SERINC5: variants seen among roughly 807,000 people sequenced by gnomAD.
The protein encoded by SERINC5 is serine incorporator 5.
A neutral mutation model predicts 63.1 loss-of-function variants in SERINC5; 41 were observed. That is an observed-to-expected ratio of 0.65 (90% CI 0.51 to 0.84). SERINC5 has a LOEUF of 0.84. SERINC5 is among the 40% of genes least tolerant of loss of function. SERINC5 has a pLI of 0.00. For synonymous variants in SERINC5, 222 were observed against 215.2 expected (o/e 1.03, Z -0.28); for missense variants, 523 against 573.0 (o/e 0.91, Z 0.89).
At chr5:80,193,376 A>G (rs1749316022) in intron 2 of SERINC5, among the ~76,000 whole-genome samples, 1 of 151,978 alleles carries the variant, frequency 6.6e-6, no homozygotes, top group African/African-American at 2.4e-5. Context: ...TGTCTGTTCT[A>G]TTTATCTGCA....
intron 11 of SERINC5, among the ~76,000 whole-genome samples, chr5:80,132,204 A>ACTGATGACAAAAGAGACAAATAG (rs1346270733): frequency 7.2e-5 from 11 of 152,194 alleles, no homozygotes; most frequent in Non-Finnish European, 1.5e-4. Flanking sequence ...GTGATTTGTT[A>ACTGATGACAAAAGAGACAAATAG]CTGATGACAA....
In SERINC5 at chr5:80,220,011, C is replaced by T. The variant is rs564253679; in HGVS notation, c.28-16958G>A. ...TCACCTGAGGTCAGGAGTTCAAGAC[C>T]AGCCTGGCCAACATGGCCAAACCCC... On this transcript the variant is annotated intron_variant, in intron 1 of 11. Transcript: ENST00000507668. Among the ~76,000 whole-genome samples, 34 of 152,116 alleles carry T rather than the reference C, an allele frequency of 2.2e-4. 1 individual carries two copies. The South Asian group carries it at 7.1e-3, about 32-fold the overall frequency.
At chr5:80,152,353 T>A (rs1746244868) in intron 8 of SERINC5, among the ~76,000 whole-genome samples, 1 of 151,974 alleles carries the variant, frequency 6.6e-6, no homozygotes, top group African/African-American at 2.4e-5. Context: ...ATACAAAAAT[T>A]AGCCAGGTGT....
At chr5:80,219,773 A>T (rs1243207607) in intron 1 of SERINC5, among the ~76,000 whole-genome samples, 12 of 152,208 alleles carry the variant, frequency 7.9e-5, no homozygotes, top group Non-Finnish European at 2.9e-5. Context: ...CCAGGGCCAA[A>T]TGAAGGTGCT....
At chr5:80,250,243 G>GA (rs200970841) in intron 1 of SERINC5, among the ~76,000 whole-genome samples, 4,751 of 152,300 alleles carry the variant, frequency 0.031, 127 homozygotes, top group Admixed American at 0.048. Flanking sequence ...CAAAACAAGA[G>GA]AAAGATCATT....
intron 11 of SERINC5, among the ~76,000 whole-genome samples, chr5:80,117,557 C>T (rs1465368120): frequency 6.7e-6 from 1 of 150,300 alleles, no homozygotes; most frequent in East Asian, 2.0e-4. Flanking sequence ...CAGCATGCCA[C>T]ACTCCTTCAG....
chr5:80,236,416 C>CA (rs1751691885), intron 1 of SERINC5, among the ~76,000 whole-genome samples: 1 of 151,888 alleles, frequency 6.6e-6, no homozygotes, highest in Non-Finnish European at 1.5e-5. Flanking sequence ...ACTATATGCA[C>CA]AAAAAAGCCT....
intron 7 of SERINC5, among the ~76,000 whole-genome samples, chr5:80,161,025 TATACAC>T (rs374427289): frequency 3.3e-5 from 4 of 122,286 alleles, no homozygotes; most frequent in African/African-American, 2.1e-4. Flanking sequence ...CGTGTATATA[TATACAC>T]ACGTGTATAT....
At chr5:80,216,547 C>A (rs992694378) in intron 1 of SERINC5, among the ~76,000 whole-genome samples, 1 of 152,152 alleles carries the variant, frequency 6.6e-6, no homozygotes, top group Non-Finnish European at 1.5e-5. Flanking sequence ...CATTCACTGG[C>A]ACCCACTGAG....
Position 80,177,869 on chromosome 5 carries a change from A to G in SERINC5, c.374+17T>C, listed in dbSNP as rs1373032094. 2 of 1,588,726 alleles carry G rather than the reference A, an allele frequency of 1.3e-6. No homozygotes were observed. Among genetic ancestry groups the G allele is most frequent in the South Asian group, 2.3e-5 (2 of 86,828 alleles). On this transcript the variant is annotated intron_variant, in intron 3 of 11. Coordinates refer to ENST00000507668, the MANE Select transcript of SERINC5 (RefSeq NM_001174072.3). ...AAGAAAGGAGAAAGCAATCCCCAAGAAGACTAAAATACTTACCCATTGTGA... is the reference window on the plus strand; with the variant it reads ...AAGAAAGGAGAAAGCAATCCCCAAGGAGACTAAAATACTTACCCATTGTGA...
intron 1 of SERINC5, among the ~76,000 whole-genome samples, chr5:80,255,349 C>T (rs952933496): frequency 6.6e-6 from 1 of 152,088 alleles, no homozygotes; most frequent in Non-Finnish European, 1.5e-5. Context: ...GTTTTCCCTT[C>T]GCCCAGACCT....
intron 2 of SERINC5, among the ~76,000 whole-genome samples, chr5:80,193,588 G>A (rs1749330650): frequency 6.6e-6 from 1 of 152,222 alleles, no homozygotes; most frequent in Admixed American, 6.5e-5. Context: ...ACCAAGGACA[G>A]TATGTATTGT....
chr5:80,142,587 T>A lies in SERINC5; in HGVS notation c.*1076A>T. 1 of 985,408 alleles carries A rather than the reference T, an allele frequency of 1.0e-6. No individual in the cohort carries two copies. The highest frequency in any genetic ancestry group is 1.2e-6 in the Non-Finnish European group (1 of 829,938). The allele number at this position is 985,408 out of a possible 1,614,324, so 61.0% of individuals were successfully genotyped here. On this transcript the variant is annotated 3_prime_UTR_variant, in exon 12 of 12. Transcript: ENST00000507668. ...ATCCTCACCTCAGAAATTCTCACAT[T>A]AGCAAACCTACTCCAAGGATGCCAG... is the stretch of plus-strand genomic sequence containing the variant.
intron 2 of SERINC5, among the ~76,000 whole-genome samples, chr5:80,183,030 C>T (rs202019140): frequency 6.6e-6 from 1 of 152,186 alleles, no homozygotes; most frequent in East Asian, 1.9e-4. Flanking sequence ...ATCCTGTAAG[C>T]AAGGGGAAAA....
At chr5:80,227,606 C>CA (rs74441331) in intron 1 of SERINC5, among the ~76,000 whole-genome samples, 316 of 102,700 alleles carry the variant, frequency 3.1e-3, no homozygotes, top group African/African-American at 7.9e-3. Context: ...ACTAAAAATA[C>CA]AAAAAAAAAA....
At chr5:80,175,299 T>C (rs1294032944) in intron 4 of SERINC5, among the ~76,000 whole-genome samples, 1 of 152,154 alleles carries the variant, frequency 6.6e-6, no homozygotes, top group African/African-American at 2.4e-5. Flanking sequence ...AGTCTGACCC[T>C]GAAATATCCA....
chr5:80,195,330 T>C (rs1457840066), intron 2 of SERINC5, among the ~76,000 whole-genome samples: 4 of 151,952 alleles, frequency 2.6e-5, no homozygotes, highest in Non-Finnish European at 5.9e-5. Flanking sequence ...AATTATATCC[T>C]AAGCAATATA....
At chr5:80,181,524 A>G (rs1040265560) in intron 2 of SERINC5, among the ~76,000 whole-genome samples, 5 of 151,870 alleles carry the variant, frequency 3.3e-5, no homozygotes, top group African/African-American at 1.2e-4. Context: ...CAGCCTCCCA[A>G]AGTGCTGGGA....
rs180919178 is a variant in SERINC5, at chr5:80,168,082, C to T, written c.763+1253G>A. Among the ~76,000 whole-genome samples, 339 of 152,252 alleles carry T rather than the reference C, an allele frequency of 2.2e-3. 1 individual carries two copies. Among genetic ancestry groups the T allele is most frequent in the African/African-American group, 7.8e-3 (324 of 41,544 alleles). On this transcript the variant is annotated intron_variant, in intron 6 of 11. Transcript: ENST00000507668. ...AACCCAAAGATTTTAATCGGAATAT[C>T]AAGTTGTTCTAGGAACTCTTAACTG...
Sources: allele counts gnomAD v4.1 joint callset (sites outside exome capture counted in the v4.1 genomes callset), GRCh38; gene constraint gnomAD v4.1.1; transcripts MANE v1.5; gene names NCBI Gene and HGNC (gene_info 2026-07-23, HGNC 2026-07-21).